CSRNP1: variants seen among roughly 807,000 people sequenced by gnomAD.
CSRNP1 encodes the protein cysteine/serine-rich nuclear protein 1.
Under a neutral mutation model 25.0 loss-of-function variants are expected in CSRNP1, and 8 were observed. The observed-to-expected ratio is 0.32, with a 90% confidence interval of 0.19 to 0.58. The LOEUF (loss-of-function observed/expected upper bound fraction) is 0.58. CSRNP1 is among the 20% of genes least tolerant of loss of function. The pLI is 0.88. For synonymous variants in CSRNP1, 305 were observed against 303.1 expected (o/e 1.01, Z -0.06); for missense variants, 691 against 773.1 (o/e 0.89, Z 1.26).
rs2039513296 is a variant in CSRNP1 at position 39,146,510 on chromosome 3, T to G, written c.173A>C (p.Asp58Ala). 1 of 1,549,402 alleles carries G rather than the reference T, an allele frequency of 6.5e-7. No homozygotes were observed. Among genetic ancestry groups the G allele is most frequent in the Admixed American group, 2.0e-5 (1 of 50,834 alleles). The change falls in exon 2 of 5, where the codon GAC (aspartate) becomes GCC (alanine). Residue 58 changes from aspartate to alanine, a missense_variant. Asp to Ala is a moderately radical substitution (Grantham distance 126). Coordinates refer to ENST00000273153, the MANE Select transcript of CSRNP1 (RefSeq NM_033027.4). ...EGPWDQMPLPDRDFCGPRSFT... is the reference protein window; with the variant it reads ...EGPWDQMPLPARDFCGPRSFT... ...ACTTCTGGGGCCGCAGAAGTCACGG[T>G]CAGGCAGGGGCATCTGATCCCAGGG...
At chr3:39,144,576 CA>C (rs2039478360) in intron 3 of CSRNP1, 125 bp from the exon 4 acceptor site, 4 of 917,802 alleles carry the variant, frequency 4.4e-6, no homozygotes, top group Non-Finnish European at 4.8e-6. Context: ...CTGCGATGGG[CA>C]CTGTGTGTCA....
Position 39,145,068 on chromosome 3 carries a change from G to C in CSRNP1, c.394C>G (p.Gln132Glu). The C allele has an allele frequency of 6.2e-7, 1 of 1,614,272 alleles. No individual in the cohort carries two copies. The highest frequency in any genetic ancestry group is 8.5e-7 in the Non-Finnish European group (1 of 1,180,044). ...AGCTTCTCGTGCCGTGCACGGGCTTGCTCCTGCGCAAACTCAGCCAAAGAG... is the reference window on the plus strand; with the variant it reads ...AGCTTCTCGTGCCGTGCACGGGCTTCCTCCTGCGCAAACTCAGCCAAAGAG... ...RFSLAEFAQEQARARHEKLRQ... is the reference protein window; with the variant it reads ...RFSLAEFAQEEARARHEKLRQ... The change falls in exon 3 of 5, where the codon CAA becomes GAA. Residue 132 changes from glutamine (Q) to glutamate (E), a missense_variant. By Grantham distance (29) the Gln-to-Glu change is conservative. Transcript: ENST00000273153.
rs756364247 is a variant in CSRNP1 at position 39,143,547 on chromosome 3, A to G, written c.1278T>C (p.Ala426=). 5 of 1,614,110 alleles carry G rather than the reference A, an allele frequency of 3.1e-6. No individual in the cohort carries two copies. In the African/African-American group the frequency reaches 5.3e-5, roughly 17 times the overall value. ...CAGGGTCACTAGTACCAAAGATGTC[A>G]GCTGGATGGAAGCAGCTGAGGTTGT... is the stretch of plus-strand genomic sequence containing the variant. ...NLDNLSCFHP[A]DIFGTSDPGG... The change falls in exon 5 of 5, where the codon GCT becomes GCC. Residue 426 remains alanine (A), a synonymous_variant. Coordinates refer to ENST00000273153, the MANE Select transcript of CSRNP1 (RefSeq NM_033027.4).
At position 39,143,064 on chromosome 3, in the gene CSRNP1, C is replaced by T. The variant is rs1159998374; in HGVS notation, c.1761G>A (p.Val587=). 2 of 1,578,192 alleles carry T rather than the reference C, an allele frequency of 1.3e-6. No homozygotes were observed. The highest frequency in any genetic ancestry group is 1.7e-6 in the Non-Finnish European group (2 of 1,159,128). Residue 587 remains valine (V), a synonymous_variant, in exon 5 of 5, where the codon GTG becomes GTA. Coordinates refer to ENST00000273153, the MANE Select transcript of CSRNP1 (RefSeq NM_033027.4). The stretch of plus-strand genomic sequence containing the variant: ...AAAGACATCCTGGTCCTCACACCGG[C>T]ACAGGCTCCATTAGAGATGCTGGGA... ...DTVPASLMEP[V]PV
At position 39,144,036 on chromosome 3, in the gene CSRNP1, G is replaced by A; in HGVS notation, c.789C>T (p.His263=). The A allele has an allele frequency of 6.2e-7, 1 of 1,611,446 alleles. No homozygotes were observed. ...SLAGIKCQMD[H]TAFPCGCCRE... is the part of the protein sequence containing the mutation. The stretch of plus-strand genomic sequence containing the variant: ...TGCAGCAGCCACAGGGGAATGCTGT[G>A]TGGTCCATCTGCAGAGAAAAGTAGA... The change falls in exon 5 of 5, where the codon CAC becomes CAT. Residue 263 remains histidine (H), a synonymous_variant. Transcript: ENST00000273153.
chr3:39,146,055 C>T (rs2039504826), intron 2 of CSRNP1, among the ~76,000 whole-genome samples: 1 of 152,186 alleles, frequency 6.6e-6, no homozygotes, highest in Non-Finnish European at 1.5e-5. Context: ...GGAAAAACCC[C>T]TTTTCACTAT....
chr3:39,144,547 C>T (rs784518), intron 3 of CSRNP1, 96 bp from the exon 4 acceptor site: 2 of 1,219,392 alleles, frequency 1.6e-6, no homozygotes, highest in South Asian at 1.5e-5. Context: ...TGCTTACCCC[C>T]CCACTACTCG....
intron 1 of CSRNP1, among the ~76,000 whole-genome samples, chr3:39,147,063 A>G (rs1391417402): frequency 6.6e-6 from 1 of 151,960 alleles, no homozygotes; most frequent in Non-Finnish European, 1.5e-5. Context: ...ACACACACAC[A>G]CACACATGCA....
In CSRNP1 at chr3:39,145,892, T is replaced by C. The variant is rs535366270; in HGVS notation, c.205+586A>G. 2.0e-5 allele frequency among the ~76,000 whole-genome samples: 3 copies of C among 152,308 alleles called. No homozygotes were observed. The South Asian group carries it at 6.2e-4, about 32-fold the overall frequency. On this transcript the variant is annotated intron_variant, in intron 2 of 4. Transcript: ENST00000273153. ...CATAAAAAGGTAAACAGCACATCTA[T>C]TGTATTAAAATTTCATGGTGGGGGA...
Position 39,144,247 on chromosome 3 carries a change from T to G in CSRNP1, c.670A>C (p.Lys224Gln), listed in dbSNP as rs2039469404. Residue 224 changes from lysine to glutamine, a missense_variant, in exon 4 of 5, where the codon AAG (lysine) becomes CAG (glutamine). Lys to Gln is a moderately conservative substitution (Grantham distance 53). Coordinates refer to ENST00000273153, the MANE Select transcript of CSRNP1 (RefSeq NM_033027.4). The part of the protein sequence containing the change: ...SGVRRIDREE[K>Q]RELQALRQSR... ...TGGCGCAGTGCCTGCAGCTCCCGCT[T>G]CTCCTCCCGATCGATCCTTCGCACA... 1 of 1,613,908 alleles carries G rather than the reference T, an allele frequency of 6.2e-7. No homozygotes were observed. The highest frequency in any genetic ancestry group is 8.5e-7 in the Non-Finnish European group (1 of 1,180,000).
At chr3:39,146,830 G>GGCCTCTGCC (rs2039520444) in intron 1 of CSRNP1, 108 bp from the exon 2 acceptor site, 5 of 1,427,948 alleles carry the variant, frequency 3.5e-6, no homozygotes, top group Non-Finnish European at 4.6e-6. Context: ...CCCAGACCCT[G>GGCCTCTGCC]GCCTCTGCCC....
intron 1 of CSRNP1, among the ~76,000 whole-genome samples, chr3:39,147,282 C>G (rs2039528419): frequency 6.6e-6 from 1 of 151,902 alleles, no homozygotes; most frequent in Non-Finnish European, 1.5e-5. Context: ...CCGCACGGCC[C>G]TGGTATGGTG....
chr3:39,145,844 T>G (rs186374528), intron 2 of CSRNP1, among the ~76,000 whole-genome samples: 3 of 152,362 alleles, frequency 2.0e-5, no homozygotes, highest in Non-Finnish European at 4.4e-5. Flanking sequence ...TTATGTGTAA[T>G]GCACAGATAT....
In CSRNP1 at chr3:39,142,868, T is replaced by C; in HGVS notation, c.*187A>G. On this transcript the variant is annotated 3_prime_UTR_variant, in exon 5 of 5. Transcript: ENST00000273153. Reference sequence around the variant, plus strand: ...AGGGGAAGCCCCCTCCCCCCAGTCCTCTCTTCAGCACAGAAAAGTTAAAAC... The same window carrying C: ...AGGGGAAGCCCCCTCCCCCCAGTCCCCTCTTCAGCACAGAAAAGTTAAAAC... 1 of 641,874 alleles carries C rather than the reference T, an allele frequency of 1.6e-6. No homozygotes were observed. The highest frequency in any genetic ancestry group is 2.4e-6 in the Non-Finnish European group (1 of 410,870). The allele number at this position is 641,874 out of a possible 1,614,324, so 39.8% of individuals were successfully genotyped here. A position where few individuals can be genotyped will look rare whatever the true frequency, so the allele number is the denominator to read the frequency against.
intron 1 of CSRNP1, chr3:39,148,676 A>C (rs1575577911): frequency 6.6e-6 from 1 of 150,676 alleles, no homozygotes; most frequent in Non-Finnish European, 1.5e-5. Flanking sequence ...CCCACCACCC[A>C]CCCAGTCACT....
At position 39,143,106 on chromosome 3, in the gene CSRNP1, G is replaced by A; in HGVS notation, c.1719C>T (p.Ser573=). ...AAEALDPFID[S]QFEDTVPASL... ...ATGCTGGGACAGTGTCCTCAAACTG[G>A]CTGTCAATAAAGGGATCTAGGGCTT... is the stretch of plus-strand genomic sequence containing the variant. The change falls in exon 5 of 5, where the codon AGC becomes AGT. Residue 573 remains serine (S), a synonymous_variant. Transcript: ENST00000273153. 6 of 1,609,660 alleles carry A rather than the reference G, an allele frequency of 3.7e-6. No individual in the cohort carries two copies. Among genetic ancestry groups the A allele is most frequent in the Non-Finnish European group, 5.1e-6 (6 of 1,176,602 alleles).
rs2039439861 is a variant in CSRNP1 at position 39,143,217 on chromosome 3, G to A, written c.1608C>T (p.His536=). The change falls in exon 5 of 5, where the codon CAC becomes CAT. Residue 536 remains histidine (H), a synonymous_variant. Coordinates refer to ENST00000273153, the MANE Select transcript of CSRNP1 (RefSeq NM_033027.4). The stretch of plus-strand genomic sequence containing the variant: ...GTGGAGACAGGCCAGGCAGGGGGAA[G>A]TGAGGTGCCTCGATGTTGTCCAGGC... ...SDSLDNIEAP[H]FPLPGLSPPG... The A allele has an allele frequency of 1.2e-6, 2 of 1,614,240 alleles. No homozygotes were observed. The highest frequency in any genetic ancestry group is 1.3e-5 in the African/African-American group (1 of 75,060).
In CSRNP1 at chr3:39,145,274, A is replaced by G; in HGVS notation, c.206-18T>C. On this transcript the variant is annotated intron_variant, in intron 2 of 4. Coordinates refer to ENST00000273153, the MANE Select transcript of CSRNP1 (RefSeq NM_033027.4). ...AGACAGGGCTAGAAAGCAGGCAAAG[A>G]TGGGCTGGGGATTAGTTTTCAGTGA... 1.3e-6 allele frequency: 2 copies of G among 1,549,228 alleles called. No individual in the cohort carries two copies. Among genetic ancestry groups the G allele is most frequent in the Middle Eastern group, 1.7e-4 (1 of 5,738 alleles).
At position 39,142,231 on chromosome 3, in the gene CSRNP1, C is replaced by G. The variant is rs1238899210; in HGVS notation, c.*824G>C. The G allele has an allele frequency of 6.6e-6, 1 of 152,344 alleles. No homozygotes were observed. The highest frequency in any genetic ancestry group is 2.4e-5 in the African/African-American group (1 of 41,458). The allele number at this position is 152,344 out of a possible 1,614,324, so 9.4% of individuals were successfully genotyped here. ...CTCTGGGCTTCCTGTTTCCTCCTTC[C>G]CCCTCCTACATCCCTGGGCCTGGAA... On this transcript the variant is annotated 3_prime_UTR_variant, in exon 5 of 5. Coordinates refer to ENST00000273153, the MANE Select transcript of CSRNP1 (RefSeq NM_033027.4).
Sources: gnomAD v4.1 joint callset for allele counts (sites outside exome capture counted in the v4.1 genomes callset) on GRCh38, gnomAD v4.1.1 for gene constraint, MANE v1.5 for transcripts, NCBI Gene and HGNC (gene_info 2026-07-23, HGNC 2026-07-21) for gene names.